Variants in VGLL4 observed in about 807,000 individuals in gnomAD.
The protein encoded by VGLL4 is transcription cofactor vestigial-like protein 4.
Under a neutral mutation model 21.0 loss-of-function variants are expected in VGLL4, and 7 were observed. The ratio of observed to expected loss-of-function variants is 0.33; its 90% confidence interval spans 0.19 to 0.63. The LOEUF is 0.63. VGLL4 is among the 20% of genes least tolerant of loss of function. The probability of loss-of-function intolerance (pLI) is 0.78; values close to 1 mark genes in which losing one functional copy is unlikely to be tolerated. For missense variants in VGLL4, 394 were observed against 425.7 expected (o/e 0.93, Z 0.66); for synonymous variants, 222 against 173.2 (o/e 1.28, Z -2.21).
Position 11,573,316 on chromosome 3 carries a change from GAAGA to G in VGLL4, c.273-8301_273-8298del, listed in dbSNP as rs1286422799. ...GAAAGAAAGAAAGAAAGGAAGGAAG[GAAGA>G]AAGAAAGAAAGAAAGAAAGAAAGAA... On this transcript the variant is annotated intron_variant, in intron 2 of 4. Coordinates refer to ENST00000430365, the MANE Select transcript of VGLL4 (RefSeq NM_001128219.3). Among the ~76,000 whole-genome samples, 172 of 20,716 alleles carry G rather than the reference GAAGA, an allele frequency of 8.3e-3. 4 individuals are homozygous for G. The highest frequency in any genetic ancestry group is 0.018 in the Middle Eastern group (1 of 56). The allele number at this position is 20,716 out of a possible 152,430, so 13.6% of individuals were successfully genotyped here. A position where few individuals can be genotyped will look rare whatever the true frequency, so the allele number is the denominator to read the frequency against.
rs1381415370 is a variant in VGLL4, at chr3:11,719,448, G to C, written c.-14+946C>G. 1 of 151,574 alleles carries C rather than the reference G, an allele frequency of 6.6e-6. No individual in the cohort carries two copies. Among genetic ancestry groups the C allele is most frequent in the Non-Finnish European group, 1.5e-5 (1 of 67,856 alleles). 9.4% of individuals were successfully genotyped at this position (151,574 alleles called of 1,614,324 possible). ...GCGGCTCTGGGCGCGCCCGCCTGGG[G>C]CCGGCCTGGCCCTGCGGGGGACCCA... is the stretch of plus-strand genomic sequence containing the variant. On this transcript the variant is annotated intron_variant, in intron 1 of 5. Transcript: ENST00000273038. This position sits in a 1 kb window ranked among gnomAD's most constrained non-coding sequence, Gnocchi z 4.0.
At chr3:11,569,336 T>C (rs1037499458) in intron 2 of VGLL4, among the ~76,000 whole-genome samples, 7 of 152,144 alleles carry the variant, frequency 4.6e-5, no homozygotes, top group Non-Finnish European at 8.8e-5. Flanking sequence ...ATTTTGAGGA[T>C]ACATTCTGGG....
intron 2 of VGLL4, among the ~76,000 whole-genome samples, chr3:11,683,666 T>C (rs2076406632): frequency 6.6e-6 from 1 of 151,476 alleles, no homozygotes; most frequent in Non-Finnish European, 1.5e-5. Flanking sequence ...TGGTAGTGCA[T>C]GCCTGTAATC....
At chr3:11,652,165 C>A (rs1323160555) in intron 2 of VGLL4, among the ~76,000 whole-genome samples, 1 of 152,170 alleles carries the variant, frequency 6.6e-6, no homozygotes, top group African/African-American at 2.4e-5. Context: ...TTTGAAAAAG[C>A]AAACTGCAGA....
chr3:11,574,130 C>T (rs753765662), intron 2 of VGLL4, among the ~76,000 whole-genome samples: 1 of 152,154 alleles, frequency 6.6e-6, no homozygotes, highest in Non-Finnish European at 1.5e-5. Context: ...TGAGACAATA[C>T]GTTTTTCTTA....
rs186887811 is a variant in VGLL4 at position 11,653,014 on chromosome 3, A to G, written c.64+49957T>C. Reference sequence around the variant, plus strand: ...TTACTCATAGATGTATTCCTGCAAGATTGACTAGAACTGACTTCCATGGTA... The same window carrying G: ...TTACTCATAGATGTATTCCTGCAAGGTTGACTAGAACTGACTTCCATGGTA... On this transcript the variant is annotated intron_variant, in intron 2 of 5. Transcript: ENST00000273038. The surrounding 1 kb of genome is among the most constrained non-coding windows in gnomAD (Gnocchi z 4.2). Among the ~76,000 whole-genome samples the G allele has an allele frequency of 6.2e-3, 940 of 152,306 alleles. 6 individuals carry two copies. The highest frequency in any genetic ancestry group is 8.2e-3 in the Non-Finnish European group (560 of 68,008).
intron 2 of VGLL4, among the ~76,000 whole-genome samples, chr3:11,674,173 T>C (rs1445195569): frequency 6.6e-6 from 1 of 152,024 alleles, no homozygotes; most frequent in Non-Finnish European, 1.5e-5. Context: ...GAATGGAGAA[T>C]AAAGATGTTT....
chr3:11,619,562 G>T (rs1203667252), intron 1 of VGLL4, among the ~76,000 whole-genome samples: 2 of 152,162 alleles, frequency 1.3e-5, no homozygotes, highest in African/African-American at 4.8e-5. Context: ...CTTCCCTGGT[G>T]GGCTAACGCA....
At chr3:11,588,818 C>A (rs2074418136) in intron 2 of VGLL4, among the ~76,000 whole-genome samples, 1 of 152,196 alleles carries the variant, frequency 6.6e-6, no homozygotes, top group South Asian at 2.1e-4. Context: ...TGAGGCGGTG[C>A]TGAATTTAGG....
At chr3:11,635,599 A>G (rs892131310) in intron 1 of VGLL4, among the ~76,000 whole-genome samples, 1 of 152,226 alleles carries the variant, frequency 6.6e-6, no homozygotes, top group African/African-American at 2.4e-5. Context: ...TCAAACACCA[A>G]GAGCGCAATG....
chr3:11,599,284 TA>T (rs1172510453), intron 2 of VGLL4, among the ~76,000 whole-genome samples: 5 of 151,818 alleles, frequency 3.3e-5, no homozygotes, highest in African/African-American at 1.2e-4. Flanking sequence ...ATAATATATA[TA>T]TTTTTTACCA....
At chr3:11,591,953 G>C (rs963998106) in intron 2 of VGLL4, among the ~76,000 whole-genome samples, 15 of 152,234 alleles carry the variant, frequency 9.9e-5, no homozygotes, top group African/African-American at 3.1e-4. Flanking sequence ...TAGTAATTTA[G>C]GACAACTACA....
chr3:11,594,576 G>A (rs571773576), intron 2 of VGLL4, among the ~76,000 whole-genome samples: 3 of 152,146 alleles, frequency 2.0e-5, no homozygotes, highest in Non-Finnish European at 4.4e-5. Flanking sequence ...TTCTACCCAC[G>A]AAGCAGCCTA....
At chr3:11,686,991 T>C (rs1369935676) in intron 2 of VGLL4, among the ~76,000 whole-genome samples, 1 of 151,634 alleles carries the variant, frequency 6.6e-6, no homozygotes, top group South Asian at 2.1e-4. Flanking sequence ...ATAGGTGGTG[T>C]TGGCTGAATT....
intron 3 of VGLL4, among the ~76,000 whole-genome samples, chr3:11,561,520 T>G (rs2072999885): frequency 6.6e-6 from 1 of 152,138 alleles, no homozygotes; most frequent in African/African-American, 2.4e-5. Context: ...TGAGCCCTCG[T>G]GGGACTGGCT....
intron 2 of VGLL4, among the ~76,000 whole-genome samples, chr3:11,701,550 C>T (rs2076680972): frequency 6.6e-6 from 1 of 152,126 alleles, no homozygotes; most frequent in African/African-American, 2.4e-5. Flanking sequence ...CAAGGCAGTC[C>T]CAACCAGGAG....
At chr3:11,721,774 T>C (rs1462615277), upstream of VGLL4, 2 of 152,250 alleles carry the variant, frequency 1.3e-5, no homozygotes, top group Admixed American at 6.5e-5. Context: ...CTATTTGTTA[T>C]AGGATTTGGG....
At chr3:11,662,115 CATT>C (rs944223857) in intron 2 of VGLL4, among the ~76,000 whole-genome samples, 3 of 152,152 alleles carry the variant, frequency 2.0e-5, no homozygotes, top group African/African-American at 7.2e-5. Flanking sequence ...CCCTGGCTAA[CATT>C]ATGTCGCCAG....
intron 4 of VGLL4, among the ~76,000 whole-genome samples, chr3:11,559,067 ATTAAAT>A (rs1322482688): frequency 3.3e-5 from 5 of 152,232 alleles, no homozygotes; most frequent in East Asian, 3.9e-4. Context: ...AGAATGTGGC[ATTAAAT>A]TTAAATAACA....
Sources: allele counts gnomAD v4.1 joint callset (sites outside exome capture counted in the v4.1 genomes callset), GRCh38; gene constraint gnomAD v4.1.1; non-coding constraint Gnocchi (gnomAD v3.1); transcripts MANE v1.5; gene names NCBI Gene and HGNC (gene_info 2026-07-23, HGNC 2026-07-21).